The following DGKZ variants were observed in gnomAD, a reference collection of about 807,000 sequenced individuals.
DGKZ encodes the protein diacylglycerol kinase zeta, also known as DAG kinase zeta.
A neutral mutation model predicts 142.5 loss-of-function variants in DGKZ; 45 were observed. The observed-to-expected ratio is 0.32, with a 90% CI of 0.25 to 0.40. The LOEUF is 0.40. DGKZ is among the 10% of genes least tolerant of loss of function. The probability of loss-of-function intolerance (pLI) is 1.00; values close to 1 mark genes in which losing one functional copy is unlikely to be tolerated. For synonymous variants in DGKZ, 442 were observed against 527.0 expected, an observed-to-expected ratio of 0.84 and a Z score of 2.21; for missense variants, 755 against 1,306.5, an observed-to-expected ratio of 0.58 and a Z score of 6.51.
chr11:46,346,548 T>C (rs938878109), upstream of DGKZ, among the ~76,000 whole-genome samples: 2 of 152,178 alleles, frequency 1.3e-5, no homozygotes, highest in Non-Finnish European at 2.9e-5. Flanking sequence ...GGTATATTTC[T>C]GGATGGGAGT....
chr11:46,368,338 G>T (rs139538243), intron 4 of DGKZ: 29 of 528,562 alleles, frequency 5.5e-5, no homozygotes, highest in Middle Eastern at 3.0e-4. Flanking sequence ...ATGAATTGAC[G>T]AATGGTGGCC....
chr11:46,364,574 G>A (rs1943049285), intron 1 of DGKZ: 1 of 985,304 alleles, frequency 1.0e-6, no homozygotes, highest in Admixed American at 6.1e-5. Context: ...CAAGAGCTGA[G>A]CTGTGCAGAA....
Position 46,364,364 on chromosome 11 carries a change from AG to A in DGKZ, c.162-2923del, listed in dbSNP as rs1233960712. Reference sequence around the variant, plus strand: ...GGGCTTAGCACAGTGCCTGACACATAGGGGCTCAGTAAATGTCAGCCGTGAC... The same window carrying A: ...GGGCTTAGCACAGTGCCTGACACATAGGGCTCAGTAAATGTCAGCCGTGAC... On this transcript the variant is annotated intron_variant, in intron 1 of 30. Coordinates refer to ENST00000527911, the Ensembl canonical transcript of DGKZ. The A allele has an allele frequency of 2.3e-6, 3 of 1,289,050 alleles. No individual in the cohort carries two copies. The Admixed American group carries it at 6.9e-5, about 30-fold the overall frequency. 79.9% of individuals were successfully genotyped at this position (1,289,050 alleles called of 1,614,324 possible).
At chr11:46,352,966 C>G (rs1461074922) in intron 1 of DGKZ, among the ~76,000 whole-genome samples, 1 of 152,244 alleles carries the variant, frequency 6.6e-6, no homozygotes, top group Non-Finnish European at 1.5e-5. Context: ...CCTCTTCACC[C>G]CCTGCCTCGC....
intron 4 of DGKZ, chr11:46,368,675 A>G (rs1372255481): frequency 1.0e-5 from 2 of 194,732 alleles, no homozygotes; most frequent in South Asian, 8.2e-5. Flanking sequence ...TGCTTTCCCC[A>G]GCCTCTGAAT....
chr11:46,360,570 G>A (rs1475406664), intron 1 of DGKZ, among the ~76,000 whole-genome samples: 6 of 151,714 alleles, frequency 4.0e-5, no homozygotes, highest in East Asian at 1.9e-4. Flanking sequence ...GGCGGATCAC[G>A]AGGTCAGGAG....
intron 1 of DGKZ, among the ~76,000 whole-genome samples, chr11:46,361,015 G>T (rs2136439180): frequency 6.6e-6 from 1 of 152,358 alleles, no homozygotes; most frequent in East Asian, 1.9e-4. Context: ...GCAGTCACGG[G>T]CTTCCACAAG....
chr11:46,365,697 G>T (rs954653081), intron 1 of DGKZ: 2 of 985,298 alleles, frequency 2.0e-6, no homozygotes, highest in African/African-American at 3.5e-5. Flanking sequence ...GCCTCATTTT[G>T]TTATAGCTTG....
intron 1 of DGKZ, among the ~76,000 whole-genome samples, chr11:46,348,116 C>T (rs941673451): frequency 6.6e-6 from 1 of 152,100 alleles, no homozygotes; most frequent in Admixed American, 6.5e-5. Context: ...GATCGGCTCC[C>T]AACCCTCCAG....
Position 46,372,074 on chromosome 11 carries a change from G to A in DGKZ, c.832-1G>A. On this transcript the variant is annotated splice_acceptor_variant, in intron 9 of 30. Coordinates refer to ENST00000527911, the Ensembl canonical transcript of DGKZ. LOFTEE classifies it high-confidence loss of function. The surrounding 1 kb of genome is among the most constrained non-coding windows in gnomAD (Gnocchi z 5.9). ...TTACAGCCTCTCACCTTGTCTCCCAGGAGGGCCGCTGGAGACCCTTCATCA... is the reference window on the plus strand; with the variant it reads ...TTACAGCCTCTCACCTTGTCTCCCAAGAGGGCCGCTGGAGACCCTTCATCA... 1 of 1,608,112 alleles carries A rather than the reference G, an allele frequency of 6.2e-7. No homozygotes were observed. The highest frequency in any genetic ancestry group is 8.5e-7 in the Non-Finnish European group (1 of 1,177,572).
intron 29 of DGKZ, 52 bp from the exon 30 acceptor site, chr11:46,379,413 CAGAT>C: frequency 1.9e-6 from 3 of 1,589,228 alleles, no homozygotes; most frequent in South Asian, 1.1e-5. Context: ...CCTTGGGAGA[CAGAT>C]GGGTGGATCA....
At chr11:46,371,661 C>T in intron 8 of DGKZ, 43 bp from the exon 9 acceptor site, 1 of 1,613,852 alleles carries the variant, frequency 6.2e-7, no homozygotes. Flanking sequence ...CCAGCTACCC[C>T]AGCCTGCCCA....
exon 1 of DGKZ, chr11:46,332,964 G>T (rs1939842994): frequency 3.7e-6 from 1 of 268,798 alleles, no homozygotes; most frequent in South Asian, 1.7e-4. Context: ...GCAGGAGCTC[G>T]CTCTCCGCCC....
chr11:46,376,503 C>T, intron 23 of DGKZ, 21 bp from the exon 24 acceptor site: 1 of 1,613,756 alleles, frequency 6.2e-7, no homozygotes, highest in Non-Finnish European at 8.5e-7. Context: ...CCCTGATCCT[C>T]AGCTGCCCTC....
exon 25 of DGKZ, chr11:46,377,114 T>C (rs1472978011): frequency 1.2e-6 from 2 of 1,613,416 alleles, no homozygotes; most frequent in Non-Finnish European, 1.7e-6. Context: ...AGGATGAGAT[T>C]TATATCCTGG....
chr11:46,371,450 C>G lies in DGKZ; in HGVS notation c.643-37C>G. 2.5e-6 allele frequency: 4 copies of G among 1,605,160 alleles called. 1 individual carries two copies. In the South Asian group the frequency reaches 4.5e-5, roughly 18 times the overall value. On this transcript the variant is annotated intron_variant, in intron 7 of 30. Transcript: ENST00000527911. The stretch of plus-strand genomic sequence containing the variant: ...CTGGGTTTGGGTCCCCGAGTCTGAA[C>G]ACGGTCCCGCTGAGCCCGGCCCCTC...
At chr11:46,361,802 G>C (rs1942685225) in intron 1 of DGKZ, 1 of 482,018 alleles carries the variant, frequency 2.1e-6, no homozygotes, top group Admixed American at 6.4e-5. Flanking sequence ...GCGGACCCGG[G>C]CCCCACCATC....
intron 1 of DGKZ, among the ~76,000 whole-genome samples, chr11:46,349,776 A>G (rs1433531887): frequency 6.6e-6 from 1 of 152,216 alleles, no homozygotes; most frequent in Non-Finnish European, 1.5e-5. Flanking sequence ...AGGAAGAGGT[A>G]GAGATAAGGT....
In DGKZ at chr11:46,372,039, G is replaced by A. The variant is rs758478868; in HGVS notation, c.832-36G>A. 2.0e-5 allele frequency: 32 copies of A among 1,569,046 alleles called. No individual in the cohort carries two copies. In the East Asian group the frequency reaches 3.3e-4, roughly 16 times the overall value. On this transcript the variant is annotated intron_variant, in intron 9 of 30. Coordinates refer to ENST00000527911, the Ensembl canonical transcript of DGKZ. The surrounding 1 kb of genome is among the most constrained non-coding windows in gnomAD (Gnocchi z 5.9). ...AGGATGATGGTAGGGTGTCCTGGAC[G>A]GGAAGGAGCTTACAGCCTCTCACCT...
Sources: gnomAD v4.1 joint callset for allele counts (sites outside exome capture counted in the v4.1 genomes callset) on GRCh38, gnomAD v4.1.1 for gene constraint, Gnocchi (gnomAD v3.1) non-coding constraint, MANE v1.5 for transcripts, NCBI Gene and HGNC (gene_info 2026-07-23, HGNC 2026-07-21) for gene names.